The following BRINP1 variants were observed in gnomAD, a reference collection of about 807,000 sequenced individuals.
BRINP1 encodes the protein BMP/retinoic acid inducible neural specific 1.
BRINP1 carries 17 observed loss-of-function variants against 72.9 expected under a neutral mutation model. That is an observed-to-expected ratio of 0.23 (90% CI 0.16 to 0.35). BRINP1 has a LOEUF of 0.35. BRINP1 is among the 10% of genes least tolerant of loss of function. The pLI is 1.00. For synonymous variants in BRINP1, 418 were observed against 378.5 expected (o/e 1.10, Z -1.21); for missense variants, 850 against 1,001.6 (o/e 0.85, Z 2.04).
chr9:119,294,945 C>A (rs1830859585), intron 2 of BRINP1, among the ~76,000 whole-genome samples: 1 of 150,250 alleles, frequency 6.7e-6, no homozygotes, highest in South Asian at 2.1e-4. Context: ...TAATACCCAG[C>A]TGATCTACAT....
At chr9:119,190,535 C>A (rs1829673147) in intron 7 of BRINP1, among the ~76,000 whole-genome samples, 1 of 151,506 alleles carries the variant, frequency 6.6e-6, no homozygotes, top group Non-Finnish European at 1.5e-5. Context: ...TATATGCCAA[C>A]AAATTGGATA....
intron 2 of BRINP1, among the ~76,000 whole-genome samples, chr9:119,274,466 T>G (rs1270156539): frequency 6.6e-6 from 1 of 152,230 alleles, no homozygotes; most frequent in Non-Finnish European, 1.5e-5. Context: ...TTTGAAAGCC[T>G]TTATGCTTCT....
intron 7 of BRINP1, among the ~76,000 whole-genome samples, chr9:119,208,056 C>A (rs986516686): frequency 1.3e-5 from 2 of 152,128 alleles, no homozygotes; most frequent in Non-Finnish European, 2.9e-5. Flanking sequence ...GAGTAGTAAA[C>A]CCTAATTCTA....
chr9:119,300,164 AG>A (rs1335672227), intron 2 of BRINP1, among the ~76,000 whole-genome samples: 2 of 152,024 alleles, frequency 1.3e-5, no homozygotes, highest in Non-Finnish European at 2.9e-5. Flanking sequence ...TTTCAACAAA[AG>A]GTATCTCTCC....
chr9:119,249,202 G>A, intron 2 of BRINP1, 52 bp from the exon 3 acceptor site: 1 of 1,544,832 alleles, frequency 6.5e-7, no homozygotes, highest in South Asian at 1.2e-5. Context: ...TTACCCTTAA[G>A]CCAAAGTCCA....
At chr9:119,246,521 G>C (rs1588176232) in intron 3 of BRINP1, among the ~76,000 whole-genome samples, 1 of 152,252 alleles carries the variant, frequency 6.6e-6, no homozygotes, top group East Asian at 1.9e-4. Context: ...CCTATTATGG[G>C]ACCTTGTGAT....
chr9:119,339,599 T>A (rs945359563), intron 1 of BRINP1, among the ~76,000 whole-genome samples: 1 of 152,206 alleles, frequency 6.6e-6, no homozygotes, highest in African/African-American at 2.4e-5. Context: ...ATCTTTGGAA[T>A]AAATGGATTT....
chr9:119,244,443 T>C (rs1830291658), intron 3 of BRINP1, among the ~76,000 whole-genome samples: 1 of 152,196 alleles, frequency 6.6e-6, no homozygotes. Context: ...TGATGAAGAA[T>C]AGATGTTCAG....
intron 2 of BRINP1, among the ~76,000 whole-genome samples, chr9:119,296,821 G>T (rs1236286808): frequency 6.6e-6 from 1 of 152,192 alleles, no homozygotes; most frequent in Non-Finnish European, 1.5e-5. Flanking sequence ...CAAACTTACA[G>T]AAGCAGAGAG....
At chr9:119,186,092 T>C (rs929820221) in intron 7 of BRINP1, among the ~76,000 whole-genome samples, 2 of 152,110 alleles carry the variant, frequency 1.3e-5, no homozygotes, top group African/African-American at 4.8e-5. Flanking sequence ...GCCCTGCTCC[T>C]GGCACCTGAG....
intron 7 of BRINP1, among the ~76,000 whole-genome samples, chr9:119,176,996 C>T (rs1294468456): frequency 6.6e-6 from 1 of 152,088 alleles, no homozygotes; most frequent in Admixed American, 6.5e-5. Flanking sequence ...TGTATTGAAA[C>T]CCCTCGTTTC....
chr9:119,283,793 A>G (rs1830735004), intron 2 of BRINP1, among the ~76,000 whole-genome samples: 2 of 152,168 alleles, frequency 1.3e-5, no homozygotes, highest in Non-Finnish European at 1.5e-5. Context: ...TCGGCCTCCT[A>G]AAGTGTTGGG....
intron 1 of BRINP1, among the ~76,000 whole-genome samples, chr9:119,364,173 A>C (rs1831664939): frequency 6.6e-6 from 1 of 152,158 alleles, no homozygotes; most frequent in Admixed American, 6.5e-5. Flanking sequence ...CAGAAAGAAA[A>C]CTGTTGTGAA....
intron 5 of BRINP1, among the ~76,000 whole-genome samples, chr9:119,215,355 T>C (rs1057162817): frequency 1.3e-5 from 2 of 152,216 alleles, no homozygotes; most frequent in African/African-American, 4.8e-5. Context: ...CTATTGTCTG[T>C]GGTGCCCAGA....
At chr9:119,246,644 C>T (rs1012643668) in intron 3 of BRINP1, among the ~76,000 whole-genome samples, 6 of 152,148 alleles carry the variant, frequency 3.9e-5, no homozygotes, top group Admixed American at 1.3e-4. Flanking sequence ...GGTGAACAGC[C>T]GGAGGCAGGA....
At chr9:119,318,847 GTGTGTGTGTGT>G (rs1564247109) in intron 1 of BRINP1, among the ~76,000 whole-genome samples, 15 of 63,794 alleles carry the variant, frequency 2.4e-4, no homozygotes, top group South Asian at 6.7e-4. Flanking sequence ...TGTGTGGGGT[GTGTGTGTGTGT>G]GTGTGTGTGT....
At chr9:119,287,010 A>G (rs914556292) in intron 2 of BRINP1, among the ~76,000 whole-genome samples, 1 of 151,972 alleles carries the variant, frequency 6.6e-6, no homozygotes, top group African/African-American at 2.4e-5. Flanking sequence ...AGTCTAGTTA[A>G]TTTCACCTTG....
At chr9:119,301,888 G>C (rs1830942992) in intron 2 of BRINP1, among the ~76,000 whole-genome samples, 1 of 152,088 alleles carries the variant, frequency 6.6e-6, no homozygotes, top group African/African-American at 2.4e-5. Context: ...CTCTCACCTG[G>C]ATGACATACT....
intron 2 of BRINP1, among the ~76,000 whole-genome samples, chr9:119,310,662 AG>A (rs1219299938): frequency 6.6e-6 from 1 of 152,166 alleles, no homozygotes; most frequent in Non-Finnish European, 1.5e-5. Context: ...TGGGCAGATC[AG>A]TAAAGCTGGC....
Sources: gnomAD v4.1 joint callset for allele counts (sites outside exome capture counted in the v4.1 genomes callset) on GRCh38, gnomAD v4.1.1 for gene constraint, MANE v1.5 for transcripts, NCBI Gene and HGNC (gene_info 2026-07-23, HGNC 2026-07-21) for gene names.